MKI67: variants seen among roughly 807,000 people sequenced by gnomAD.
MKI67 encodes marker of proliferation Ki-67.
A neutral mutation model predicts 233.5 loss-of-function variants in MKI67; 152 were observed. The observed-to-expected ratio is 0.65, with a 90% CI of 0.57 to 0.74. MKI67 has a LOEUF of 0.74. MKI67 is among the 30% of genes least tolerant of loss of function. MKI67 has a pLI of 0.00. For synonymous variants in MKI67, 1,465 were observed against 1,418.5 expected, an observed-to-expected ratio of 1.03 and a Z score of -0.74; for missense variants, 3,940 against 3,885.2, an observed-to-expected ratio of 1.01 and a Z score of -0.37.
chr10:128,104,424 G>T lies in MKI67; in HGVS notation c.7416C>A (p.Phe2472Leu). 6.2e-7 allele frequency: 1 copy of T among 1,613,758 alleles called. No individual in the cohort carries two copies. The highest frequency in any genetic ancestry group is 8.5e-7 in the Non-Finnish European group (1 of 1,179,950). Residue 2472 changes from phenylalanine to leucine, a missense_variant, in exon 13 of 15, where the codon TTC (phenylalanine) becomes TTA (leucine). Physicochemically the swap from Phe to Leu is conservative, Grantham distance 22. Coordinates refer to ENST00000368654, the MANE Select transcript of MKI67 (RefSeq NM_002417.5). Reference protein sequence around the residue: ...VSCKSPQPESFKTSRSSKQRL... With the variant: ...VSCKSPQPESLKTSRSSKQRL... Reference sequence around the variant, plus strand: ...TTTGCTTGGAGCTTCTTGAGGTTTTGAATGACTCTGGCTGTGGAGATTTAC... The same window carrying T: ...TTTGCTTGGAGCTTCTTGAGGTTTTTAATGACTCTGGCTGTGGAGATTTAC...
chr10:128,116,280 C>T (rs528115225), intron 6 of MKI67, among the ~76,000 whole-genome samples: 2 of 152,232 alleles, frequency 1.3e-5, no homozygotes, highest in Non-Finnish European at 2.9e-5. Flanking sequence ...GCAATTTTCT[C>T]ATATCTAGAG....
rs752211839 is a variant in MKI67, at chr10:128,115,005, C to T, written c.1403G>A (p.Gly468Asp). 6 of 1,610,534 alleles carry T rather than the reference C, an allele frequency of 3.7e-6. No individual in the cohort carries two copies. The highest frequency in any genetic ancestry group is 4.2e-6 in the Non-Finnish European group (5 of 1,176,824). Reference protein sequence around the residue: ...KDSLSKPEKLGTTAGQMCSGL... With the variant: ...KDSLSKPEKLDTTAGQMCSGL... Reference sequence around the variant, plus strand: ...AGAGCACATCTGTCCAGCTGTAGTGCCCAATTTCTCAGGCTTGCTGAGGGA... The same window carrying T: ...AGAGCACATCTGTCCAGCTGTAGTGTCCAATTTCTCAGGCTTGCTGAGGGA... The change falls in exon 7 of 15, where the codon GGC becomes GAC. Residue 468 changes from glycine (G) to aspartate (D), a missense_variant. Transcript: ENST00000368654.
In MKI67 at chr10:128,113,451, T is replaced by C; in HGVS notation, c.1632A>G (p.Pro544=). The part of the protein sequence containing the change: ...TKRKSLVMHT[P]PVLKKIIKEQ... ...CCTTGATGATTTTCTTCAGGACAGG[T>C]GGAGTGTGCATTACCAGAGACTTTC... The change falls in exon 8 of 15, where the codon CCA becomes CCG. Residue 544 remains proline, a synonymous_variant. Coordinates refer to ENST00000368654, the MANE Select transcript of MKI67 (RefSeq NM_002417.5). 6.2e-7 allele frequency: 1 copy of C among 1,614,186 alleles called. No individual in the cohort carries two copies. Among genetic ancestry groups the C allele is most frequent in the Non-Finnish European group, 8.5e-7 (1 of 1,180,038 alleles).
intron 13 of MKI67, 35 bp from the exon 14 acceptor site, chr10:128,101,736 T>C (rs762707327): frequency 1.3e-6 from 2 of 1,521,270 alleles, no homozygotes; most frequent in African/African-American, 1.4e-5. Context: ...AAAATTCCAA[T>C]AATTAGTAAA....
At chr10:128,099,336 A>G in intron 14 of MKI67, 81 bp from the exon 15 acceptor site, 2 of 1,051,036 alleles carry the variant, frequency 1.9e-6, no homozygotes, top group South Asian at 1.4e-5. Context: ...CAAAACCCCA[A>G]AGGCTTACTA....
chr10:128,115,539 C>G lies in MKI67; in HGVS notation c.869G>C (p.Arg290Pro), dbSNP rs145509852. 2 of 1,614,094 alleles carry G rather than the reference C, an allele frequency of 1.2e-6. No individual in the cohort carries two copies. Among genetic ancestry groups the G allele is most frequent in the Non-Finnish European group, 1.7e-6 (2 of 1,180,046 alleles). Residue 290 changes from arginine to proline, a missense_variant, in exon 7 of 15, where the codon CGT (arginine) becomes CCT (proline). Physicochemically the swap from Arg to Pro is moderately radical, Grantham distance 103 (BLOSUM62 -2). Coordinates refer to ENST00000368654, the MANE Select transcript of MKI67 (RefSeq NM_002417.5). ...LQGETQLLVS[R>P]KSRPKSGGSG... ...CCCACCAGATTTTGGTCTTGACTTA[C>G]GCGAGACCAACAGTTGGGTCTCCCC...
At chr10:128,120,694 A>G (rs1344889508) in intron 4 of MKI67, among the ~76,000 whole-genome samples, 1 of 152,168 alleles carries the variant, frequency 6.6e-6, no homozygotes, top group Non-Finnish European at 1.5e-5. Context: ...CATTTAGCAG[A>G]ATGGATTTTT....
At position 128,108,902 on chromosome 10, in the gene MKI67, C is replaced by T; in HGVS notation, c.2938G>A (p.Ala980Thr). The change falls in exon 13 of 15, where the codon GCA (alanine) becomes ACA (threonine). Residue 980 changes from alanine to threonine, a missense_variant. Ala to Thr is a moderately conservative substitution (Grantham distance 58). Coordinates refer to ENST00000368654, the MANE Select transcript of MKI67 (RefSeq NM_002417.5). ...LPDTELMKDT[A>T]RGQNLLQTQD... Reference sequence around the variant, plus strand: ...GTTTGGAGGAGATTCTGGCCACGTGCCGTGTCTTTCATGAGTTCTGTATCA... The same window carrying T: ...GTTTGGAGGAGATTCTGGCCACGTGTCGTGTCTTTCATGAGTTCTGTATCA... The T allele has an allele frequency of 1.2e-6, 2 of 1,614,210 alleles. No homozygotes were observed. Among genetic ancestry groups the T allele is most frequent in the East Asian group, 2.2e-5 (1 of 44,868 alleles).
Position 128,108,693 on chromosome 10 carries a change from C to T in MKI67, c.3147G>A (p.Gly1049=), listed in dbSNP as rs150783264. 2 of 1,614,166 alleles carry T rather than the reference C, an allele frequency of 1.2e-6. No individual in the cohort carries two copies. Among genetic ancestry groups the T allele is most frequent in the African/African-American group, 2.7e-5 (2 of 75,022 alleles). The change falls in exon 13 of 15, where the codon GGG becomes GGA. Residue 1049 remains glycine, a synonymous_variant. Transcript: ENST00000368654. ...GCTCTCTGTGCGTGTGCGTGGTCTC[C>T]CCTGACGTCCGTGTGAACTTGCCGA... ...LAVGKFTRTS[G]ETTHTHREPA...
Position 128,115,980 on chromosome 10 carries a change from T to C in MKI67, c.428A>G (p.Tyr143Cys), listed in dbSNP as rs1852798229. Residue 143 changes from tyrosine (Y) to cysteine (C), a missense_variant, in exon 7 of 15, where the codon TAT (tyrosine) becomes TGT (cysteine). Coordinates refer to ENST00000368654, the MANE Select transcript of MKI67 (RefSeq NM_002417.5). ...AACTTTTCCTTCAGTGATTTTTGAATAGGCCTTGGAATCTTGAGCTTTCTC... is the reference window on the plus strand; with the variant it reads ...AACTTTTCCTTCAGTGATTTTTGAACAGGCCTTGGAATCTTGAGCTTTCTC... The part of the protein sequence containing the change: ...PDEKAQDSKA[Y>C]SKITEGKVSG... 2.5e-6 allele frequency: 4 copies of C among 1,604,938 alleles called. No homozygotes were observed. In the Admixed American group the frequency reaches 6.9e-5, roughly 28 times the overall value.
chr10:128,108,448 G>A lies in MKI67; in HGVS notation c.3392C>T (p.Ser1131Phe). 1 of 1,613,938 alleles carries A rather than the reference G, an allele frequency of 6.2e-7. No homozygotes were observed. Residue 1131 changes from serine (S) to phenylalanine (F), a missense_variant, in exon 13 of 15, where the codon TCT becomes TTT. Physicochemically the swap from Ser to Phe is radical, Grantham distance 155. Transcript: ENST00000368654. ...DEKTTKIACK[S>F]PPPESVDTPT... Reference sequence around the variant, plus strand: ...AGTGTCCACTGATTCTGGTGGTGGAGATTTGCAGGCTATTTTGGTAGTTTT... The same window carrying A: ...AGTGTCCACTGATTCTGGTGGTGGAAATTTGCAGGCTATTTTGGTAGTTTT...
intron 4 of MKI67, among the ~76,000 whole-genome samples, chr10:128,122,027 T>A (rs1852959736): frequency 6.6e-6 from 1 of 152,230 alleles, no homozygotes; most frequent in Admixed American, 6.5e-5. Flanking sequence ...AACGGTGGTT[T>A]ACTTGCTGAG....
In MKI67 at chr10:128,125,175, G is replaced by A. The variant is rs970255487; in HGVS notation, c.92+401C>T. On this transcript the variant is annotated intron_variant, in intron 2 of 14. Transcript: ENST00000368654. The surrounding 1 kb of genome is among the most constrained non-coding windows in gnomAD (Gnocchi z 5.3). ...TCCCATTTTCCTATTGCCACAAGGA[G>A]CCAAGAGACAAGTGTATGGCTTCCT... 1.4e-4 allele frequency among the ~76,000 whole-genome samples: 22 copies of A among 152,164 alleles called. No homozygotes were observed. The highest frequency in any genetic ancestry group is 4.8e-4 in the African/African-American group (20 of 41,450).
Position 128,107,819 on chromosome 10 carries a change from G to A in MKI67, c.4021C>T (p.Gln1341Ter). ...RRPQTPKEEA[Q>*]ALEDLTGFKE... The stretch of plus-strand genomic sequence containing the variant: ...AAGCCAGTCAGGTCTTCCAGAGCCT[G>A]GGCCTCTTCCTTAGGAGTTTGTGGC... The change falls in exon 13 of 15, where the codon CAG (glutamine) becomes TAG (stop). Residue 1341 changes from glutamine to a stop codon, truncating the protein, a stop_gained. Transcript: ENST00000368654. LOFTEE classifies it high-confidence loss of function. The A allele has an allele frequency of 6.2e-7, 1 of 1,613,824 alleles. No individual in the cohort carries two copies. The highest frequency in any genetic ancestry group is 8.5e-7 in the Non-Finnish European group (1 of 1,179,972).
Position 128,125,895 on chromosome 10 carries a change from G to C in MKI67, c.-89-139C>G. The C allele has an allele frequency of 1.8e-6, 1 of 549,340 alleles. No homozygotes were observed. 34.0% of individuals were successfully genotyped at this position (549,340 alleles called of 1,614,324 possible). A position where few individuals can be genotyped will look rare whatever the true frequency, so the allele number is the denominator to read the frequency against. ...CAGGACGATCCGACCGCAGCCCCCG[G>C]CGCCCCAAAGTCCGGCAGCTGGGGT... On this transcript the variant is annotated intron_variant, in intron 1 of 14. Transcript: ENST00000368654. This position sits in a 1 kb window ranked among gnomAD's most constrained non-coding sequence, Gnocchi z 5.3.
In MKI67 at chr10:128,101,589, A is replaced by G. The variant is rs759151382; in HGVS notation, c.9374T>C (p.Met3125Thr). The G allele has an allele frequency of 9.9e-6, 16 of 1,614,174 alleles. No individual in the cohort carries two copies. The highest frequency in any genetic ancestry group is 1.2e-5 in the Non-Finnish European group (14 of 1,180,032). Residue 3125 changes from methionine (M) to threonine (T), a missense_variant, in exon 14 of 15, where the codon ATG becomes ACG. Physicochemically the swap from Met to Thr is moderately conservative, Grantham distance 81. Transcript: ENST00000368654. ...IEINRNEKKP[M>T]KTSPEMDIQN... ...AATGTCCATCTCTGGGGAGGTCTTC[A>G]TGGGCTTCTTTTCATTTCTGTTTAT...
chr10:128,123,854 C>T (rs934885351), intron 2 of MKI67, among the ~76,000 whole-genome samples: 1 of 152,192 alleles, frequency 6.6e-6, no homozygotes, highest in East Asian at 1.9e-4. Context: ...AAAGCTAACA[C>T]CATGGCAAAG....
At position 128,120,368 on chromosome 10, in the gene MKI67, T is replaced by C. The variant is rs1852909184; in HGVS notation, c.288-1049A>G. Among the ~76,000 whole-genome samples, 3 of 152,020 alleles carry C rather than the reference T, an allele frequency of 2.0e-5. No homozygotes were observed. In the South Asian group the frequency reaches 6.2e-4, roughly 32 times the overall value. ...TTAGCCGGGTGTTGTGGCGCGTGCC[T>C]GTAATCCCAGCTACTTGGTAGGCTG... On this transcript the variant is annotated intron_variant, in intron 4 of 14. Coordinates refer to ENST00000368654, the MANE Select transcript of MKI67 (RefSeq NM_002417.5).
intron 4 of MKI67, among the ~76,000 whole-genome samples, chr10:128,121,056 CA>C: frequency 6.6e-6 from 1 of 151,876 alleles, no homozygotes; most frequent in African/African-American, 2.4e-5. Context: ...TTAGTTTAAC[CA>C]TACTCATCAT....
Sources: allele counts gnomAD v4.1 joint callset (sites outside exome capture counted in the v4.1 genomes callset), GRCh38; gene constraint gnomAD v4.1.1; non-coding constraint Gnocchi (gnomAD v3.1); transcripts MANE v1.5; gene names NCBI Gene and HGNC (gene_info 2026-07-23, HGNC 2026-07-21).